LRRC37A: variants seen among roughly 807,000 people sequenced by gnomAD.
The protein encoded by LRRC37A is leucine rich repeat containing 37A.
A neutral mutation model predicts 35.4 loss-of-function variants in LRRC37A; 3 were observed. The observed-to-expected ratio is 0.08, with a 90% CI of 0.04 to 0.22. The LOEUF is 0.22. LRRC37A is among the 10% of genes least tolerant of loss of function. LRRC37A has a pLI of 1.00. For synonymous variants in LRRC37A, 23 were observed against 215.0 expected, an observed-to-expected ratio of 0.11 and a Z score of 7.81; for missense variants, 67 against 565.3, an observed-to-expected ratio of 0.12 and a Z score of 8.94.
chr17:46,261,961 A>T, the LRRC37A span, among the ~76,000 whole-genome samples: 44 of 151,490 alleles, frequency 2.9e-4, no homozygotes, highest in African/African-American at 6.6e-4. Context: ...TATTATTATT[A>T]TTTTTTGAGA....
At chr17:46,249,772 T>C in the LRRC37A span, among the ~76,000 whole-genome samples, 1 of 152,204 alleles carries the variant, frequency 6.6e-6, no homozygotes, top group Non-Finnish European at 1.5e-5. Context: ...ACAGGAACTG[T>C]CAGAGCCAGA....
chr17:46,280,279 G>A, the LRRC37A span, among the ~76,000 whole-genome samples: 18,698 of 150,054 alleles, frequency 0.12, 2 homozygotes, highest in Middle Eastern at 0.19. Context: ...CAGGAGAATC[G>A]CTTGAACGCG....
the LRRC37A span, among the ~76,000 whole-genome samples, chr17:46,255,265 A>G: frequency 1.3e-5 from 2 of 151,994 alleles, no homozygotes. Context: ...CACCTTGCCC[A>G]GCCGAAGCTG....
chr17:46,263,045 T>A, the LRRC37A span, among the ~76,000 whole-genome samples: 1 of 152,168 alleles, frequency 6.6e-6, no homozygotes, highest in Admixed American at 6.5e-5. Flanking sequence ...AAACCCCATC[T>A]CTACAGAAAA....
chr17:46,265,692 G>A, the LRRC37A span, among the ~76,000 whole-genome samples: 1 of 151,990 alleles, frequency 6.6e-6, no homozygotes, highest in Non-Finnish European at 1.5e-5. Context: ...TGCTCAGGCT[G>A]GTCTTGAACT....
the LRRC37A span, among the ~76,000 whole-genome samples, chr17:46,267,922 A>G: frequency 4.3e-5 from 4 of 93,630 alleles, no homozygotes; most frequent in African/African-American, 1.6e-4. Flanking sequence ...TTTTTTTTAG[A>G]CAGAGTCTCG....
chr17:46,289,025 T>C (rs1285388577), upstream of LRRC37A, among the ~76,000 whole-genome samples: 4 of 152,148 alleles, frequency 2.6e-5, no homozygotes, highest in East Asian at 1.9e-4. Context: ...TCAATATGCA[T>C]TTTGCCATAC....
chr17:46,272,376 T>C, the LRRC37A span, among the ~76,000 whole-genome samples: 2 of 152,250 alleles, frequency 1.3e-5, no homozygotes, highest in African/African-American at 4.8e-5. Flanking sequence ...AAAGCAGCTT[T>C]CAGAACTCAT....
the LRRC37A span, among the ~76,000 whole-genome samples, chr17:46,264,196 T>A: frequency 2.6e-5 from 4 of 151,134 alleles, no homozygotes; most frequent in Admixed American, 2.0e-4. Context: ...ATTCTTGAGC[T>A]CAAGTGATCC....
upstream of LRRC37A, among the ~76,000 whole-genome samples, chr17:46,291,455 G>C (rs559474744): frequency 6.6e-6 from 1 of 151,940 alleles, no homozygotes; most frequent in Non-Finnish European, 1.5e-5. Flanking sequence ...AGAGTTTCTC[G>C]GGGGTAAGGG....
chr17:46,293,095 A>T (rs1244450359), upstream of LRRC37A: 1 of 47,498 alleles, frequency 2.1e-5, no homozygotes, highest in African/African-American at 5.2e-5. Context: ...CTGGGATTAT[A>T]GACACGCGTC....
chr17:46,264,422 C>T, the LRRC37A span, among the ~76,000 whole-genome samples: 3 of 152,240 alleles, frequency 2.0e-5, no homozygotes, highest in African/African-American at 7.2e-5. Flanking sequence ...AAGATGAACA[C>T]ATTAGGCTGT....
the LRRC37A span, among the ~76,000 whole-genome samples, chr17:46,279,806 C>T: frequency 0.12 from 17,421 of 150,550 alleles, no homozygotes; most frequent in Non-Finnish European, 0.18. Context: ...ACAGGCCCTC[C>T]TACACAACTT....
the LRRC37A span, among the ~76,000 whole-genome samples, chr17:46,269,743 A>G: frequency 0.12 from 18,481 of 152,244 alleles, no homozygotes; most frequent in Non-Finnish European, 0.18. Flanking sequence ...TGTATCTGAT[A>G]TCATTTTTCT....
At chr17:46,259,275 G>A in the LRRC37A span, among the ~76,000 whole-genome samples, 8 of 151,846 alleles carry the variant, frequency 5.3e-5, no homozygotes, top group African/African-American at 1.7e-4. Context: ...ATGATCGGGT[G>A]GGGGTGGGAT....
chr17:46,274,235 A>G, the LRRC37A span, among the ~76,000 whole-genome samples: 14 of 152,244 alleles, frequency 9.2e-5, no homozygotes, highest in Non-Finnish European at 1.5e-4. Flanking sequence ...ACATACATCC[A>G]TAGTTGAATT....
the LRRC37A span, among the ~76,000 whole-genome samples, chr17:46,249,935 A>C: frequency 2.0e-5 from 3 of 152,142 alleles, no homozygotes; most frequent in African/African-American, 7.2e-5. Context: ...CTCCCGAGTA[A>C]CTGGGACTAC....
At chr17:46,262,515 A>G in the LRRC37A span, among the ~76,000 whole-genome samples, 1 of 152,252 alleles carries the variant, frequency 6.6e-6, no homozygotes, top group South Asian at 2.1e-4. Context: ...GCCTGGCCCC[A>G]GTAAGGATTT....
the LRRC37A span, chr17:46,267,592 G>T: frequency 6.2e-7 from 1 of 1,606,008 alleles, no homozygotes; most frequent in Non-Finnish European, 8.5e-7. Context: ...CCACAGCCCG[G>T]GCTGTGGGTC....
Sources: allele counts gnomAD v4.1 joint callset (sites outside exome capture counted in the v4.1 genomes callset), GRCh38; gene constraint gnomAD v4.1.1; transcripts MANE v1.5; gene names NCBI Gene and HGNC (gene_info 2026-07-23, HGNC 2026-07-21).